Variants in PID1 observed in about 807,000 individuals in gnomAD.
PID1 encodes the protein PTB-containing, cubilin and LRP1-interacting protein.
Under a neutral mutation model 19.1 loss-of-function variants are expected in PID1, and 10 were observed. The observed-to-expected ratio is 0.52, with a 90% confidence interval of 0.32 to 0.89. The LOEUF (loss-of-function observed/expected upper bound fraction) is 0.89. Among genes scored for constraint, PID1 ranks in the 40% least tolerant of loss-of-function variants. PID1 has a pLI of 0.03. For missense variants in PID1, 248 were observed against 285.3 expected, an observed-to-expected ratio of 0.87 and a Z score of 0.94; for synonymous variants, 130 against 116.0, an observed-to-expected ratio of 1.12 and a Z score of -0.78.
rs1326670615 is a variant in PID1 at position 229,208,769 on chromosome 2, G to A, written c.31-52805C>T. ...CCTTAACTCCTGTGGTATAATGAGAGAGGGACGGAGGAGGCAGGAGGAGAA... is the reference window on the plus strand; with the variant it reads ...CCTTAACTCCTGTGGTATAATGAGAAAGGGACGGAGGAGGCAGGAGGAGAA... On this transcript the variant is annotated intron_variant, in intron 1 of 2. Transcript: ENST00000392055. Among the ~76,000 whole-genome samples the A allele has an allele frequency of 2.0e-5, 3 of 152,202 alleles. No individual in the cohort carries two copies. The East Asian group carries it at 5.8e-4, about 29-fold the overall frequency.
intron 1 of PID1, among the ~76,000 whole-genome samples, chr2:229,187,055 C>T (rs1574704868): frequency 6.6e-6 from 1 of 152,190 alleles, no homozygotes; most frequent in East Asian, 1.9e-4. Flanking sequence ...GTCACCTTTG[C>T]TCCAGTTCCC....
At chr2:229,178,108 T>C (rs1408645194) in intron 1 of PID1, among the ~76,000 whole-genome samples, 1 of 152,236 alleles carries the variant, frequency 6.6e-6, no homozygotes, top group African/African-American at 2.4e-5. Context: ...ATCTACTTAA[T>C]AAAAATAGTC....
At chr2:229,040,560 C>T (rs1334801806) in intron 2 of PID1, among the ~76,000 whole-genome samples, 1 of 152,042 alleles carries the variant, frequency 6.6e-6, no homozygotes, top group East Asian at 1.9e-4. Flanking sequence ...ATAGTTGTGA[C>T]TTGCAGAATC....
intron 2 of PID1, among the ~76,000 whole-genome samples, chr2:229,142,492 T>C (rs1690036376): frequency 6.6e-6 from 1 of 152,078 alleles, no homozygotes; most frequent in Non-Finnish European, 1.5e-5. Context: ...TATCAGGGGT[T>C]TCAACCAAGA....
intron 1 of PID1, among the ~76,000 whole-genome samples, chr2:229,225,913 C>A (rs73998594): frequency 0.035 from 5,330 of 152,204 alleles, 271 homozygotes; most frequent in African/African-American, 0.12. Flanking sequence ...GGGTCCATCC[C>A]AGAACACGTG....
intron 2 of PID1, among the ~76,000 whole-genome samples, chr2:229,075,700 T>A (rs1366106412): frequency 6.6e-6 from 1 of 152,190 alleles, no homozygotes; most frequent in Non-Finnish European, 1.5e-5. Context: ...ACACTTTCTC[T>A]GATGTTTTCC....
chr2:229,151,562 C>T (rs1574671112), intron 2 of PID1, among the ~76,000 whole-genome samples: 1 of 150,952 alleles, frequency 6.6e-6, no homozygotes, highest in Non-Finnish European at 1.5e-5. Flanking sequence ...GTTATTAAGA[C>T]TTCTATTTCT....
At chr2:229,148,561 T>C (rs1263683489) in intron 2 of PID1, among the ~76,000 whole-genome samples, 1 of 152,192 alleles carries the variant, frequency 6.6e-6, no homozygotes, top group Non-Finnish European at 1.5e-5. Flanking sequence ...TTTCCATTGA[T>C]TCTGCTAGGT....
At chr2:229,125,301 G>A (rs1430668617) in intron 2 of PID1, among the ~76,000 whole-genome samples, 2 of 151,834 alleles carry the variant, frequency 1.3e-5, no homozygotes, top group African/African-American at 2.4e-5. Context: ...CCAGCAATGA[G>A]TATGTGGTAT....
At chr2:229,089,779 G>T (rs1481738022) in intron 2 of PID1, among the ~76,000 whole-genome samples, 1 of 152,146 alleles carries the variant, frequency 6.6e-6, no homozygotes, top group Non-Finnish European at 1.5e-5. Flanking sequence ...TCAGACTGTG[G>T]TGTTGATTTC....
At chr2:229,099,516 C>T (rs543815911) in intron 2 of PID1, among the ~76,000 whole-genome samples, 4 of 152,168 alleles carry the variant, frequency 2.6e-5, no homozygotes, top group Non-Finnish European at 4.4e-5. Flanking sequence ...TTGAGAGAAG[C>T]GGGAGAGTTT....
At chr2:229,195,150 CT>C (rs1691348477) in intron 1 of PID1, among the ~76,000 whole-genome samples, 1 of 151,322 alleles carries the variant, frequency 6.6e-6, no homozygotes, top group Admixed American at 6.6e-5. Context: ...TTGTATTTTG[CT>C]TTAATTTTAA....
rs572426039 is a variant in PID1, at chr2:229,064,421, T to C, written c.178-38313A>G. Among the ~76,000 whole-genome samples, 29 of 152,112 alleles carry C rather than the reference T, an allele frequency of 1.9e-4. 1 individual carries two copies. The highest frequency in any genetic ancestry group is 8.5e-4 in the Admixed American group (13 of 15,256). On this transcript the variant is annotated intron_variant, in intron 2 of 2. Transcript: ENST00000392055. Reference sequence around the variant, plus strand: ...TAGGAAGAAAAATGATGAATTAAGTTTTGGATGAGATGAGTTTGTTTATCA... The same window carrying C: ...TAGGAAGAAAAATGATGAATTAAGTCTTGGATGAGATGAGTTTGTTTATCA...
chr2:229,048,345 C>T (rs928154595), intron 2 of PID1, among the ~76,000 whole-genome samples: 1 of 152,160 alleles, frequency 6.6e-6, no homozygotes, highest in African/African-American at 2.4e-5. Context: ...CCCTCACTCC[C>T]TAAAAACATT....
rs955937683 is a variant in PID1, at chr2:229,127,706, G to T, written c.177+28112C>A. ...CCATTAATACTTCCCCAGTTGTGAT[G>T]AACAAAAATGTCTCCAGACATTGCC... On this transcript the variant is annotated intron_variant, in intron 2 of 2. Coordinates refer to ENST00000392055, the MANE Select transcript of PID1 (RefSeq NM_001100818.2). Among the ~76,000 whole-genome samples, 22 of 152,112 alleles carry T rather than the reference G, an allele frequency of 1.4e-4. 1 individual carries two copies. Among genetic ancestry groups the T allele is most frequent in the African/African-American group, 5.3e-4 (22 of 41,422 alleles).
At chr2:229,250,386 A>T (rs971029612) in intron 1 of PID1, among the ~76,000 whole-genome samples, 15 of 152,220 alleles carry the variant, frequency 9.9e-5, no homozygotes, top group Admixed American at 8.5e-4. Context: ...CTAGAAAACC[A>T]TCTGATACCA....
rs761478000 is a variant in PID1, at chr2:229,026,136, G to A, written c.178-28C>T. 10 of 1,508,252 alleles carry A rather than the reference G, an allele frequency of 6.6e-6. No individual in the cohort carries two copies. In the East Asian group the frequency reaches 2.3e-4, roughly 34 times the overall value. 93.4% of individuals were successfully genotyped at this position (1,508,252 alleles called of 1,614,324 possible). ...GCAGATGCAAGAGAGGAAGAAAAGG[G>A]AGGCATCAGCAGAAGGCTCTTTGTT... is the stretch of plus-strand genomic sequence containing the variant. On this transcript the variant is annotated intron_variant, in intron 2 of 2. Transcript: ENST00000392055.
chr2:229,025,599 A>G lies in PID1; in HGVS notation c.*33T>C, dbSNP rs1345470835. ...ATCTATTCCCTTGAACTCCGTGACC[A>G]ATGCTGCCTTTGCTGAAGCGTCTCA... On this transcript the variant is annotated 3_prime_UTR_variant, in exon 3 of 3. Transcript: ENST00000392055. 6.6e-7 allele frequency: 1 copy of G among 1,507,744 alleles called. No homozygotes were observed. The highest frequency in any genetic ancestry group is 9.2e-7 in the Non-Finnish European group (1 of 1,089,762). The allele number at this position is 1,507,744 out of a possible 1,614,324, so 93.4% of individuals were successfully genotyped here.
At chr2:229,212,876 A>T (rs915830933) in intron 1 of PID1, among the ~76,000 whole-genome samples, 1 of 152,002 alleles carries the variant, frequency 6.6e-6, no homozygotes, top group African/African-American at 2.4e-5. Context: ...CCTGTCCCAC[A>T]CGTCCCGGCT....
Sources: allele counts gnomAD v4.1 joint callset (sites outside exome capture counted in the v4.1 genomes callset), GRCh38; gene constraint gnomAD v4.1.1; transcripts MANE v1.5; gene names NCBI Gene and HGNC (gene_info 2026-07-23, HGNC 2026-07-21).